Variants in PDLIM2 observed in about 807,000 individuals in gnomAD.
PDLIM2 encodes PDZ and LIM domain 2.
In PDLIM2, 51 loss-of-function variants were observed where a neutral mutation model predicts 54.1. The ratio of observed to expected loss-of-function variants is 0.94; its 90% CI spans 0.75 to 1.19. PDLIM2 has a LOEUF of 1.19. Ranked by LOEUF, PDLIM2 falls within the 50% of genes most tolerant of loss-of-function variation. The pLI is 0.00. For synonymous variants in PDLIM2, 398 were observed against 385.6 expected (o/e 1.03, Z -0.38); for missense variants, 912 against 874.0 (o/e 1.04, Z -0.55).
At chr8:22,579,258 C>A in exon 1 of PDLIM2, 1 of 1,356,638 alleles carries the variant, frequency 7.4e-7, no homozygotes, top group Non-Finnish European at 9.4e-7. Context: ...TCCGCGCGGC[C>A]CGCCCTCCCC....
intron 8 of PDLIM2, chr8:22,591,058 C>T (rs755189014): frequency 8.2e-5 from 16 of 194,056 alleles, no homozygotes; most frequent in Admixed American, 2.7e-4. Flanking sequence ...CAGGAGGCAG[C>T]ACAGGGAGAG....
At chr8:22,581,265 AG>A (rs1466368837) in intron 2 of PDLIM2, 113 bp from the exon 2 acceptor site, 2 of 1,338,962 alleles carry the variant, frequency 1.5e-6, no homozygotes, top group Non-Finnish European at 2.0e-6. Flanking sequence ...GACATGCAGG[AG>A]GGTGCAGGCC....
At chr8:22,583,334 C>T (rs1474557655) in intron 3 of PDLIM2, among the ~76,000 whole-genome samples, 1 of 152,122 alleles carries the variant, frequency 6.6e-6, no homozygotes, top group East Asian at 1.9e-4. Flanking sequence ...GTGACGCGCT[C>T]AAAGGCACCC....
intron 3 of PDLIM2, among the ~76,000 whole-genome samples, chr8:22,583,164 T>C (rs1340342291): frequency 6.6e-6 from 1 of 151,820 alleles, no homozygotes; most frequent in African/African-American, 2.4e-5. Context: ...TTACCTCCCA[T>C]TCAGGGCTCC....
At chr8:22,585,505 C>T in intron 6 of PDLIM2, 106 bp downstream of exon 5, 1 of 1,118,264 alleles carries the variant, frequency 8.9e-7, no homozygotes, top group Non-Finnish European at 1.3e-6. Context: ...CCTGGGCAGC[C>T]ATGGCCTCCT....
chr8:22,594,880 C>A (rs948194695), downstream of PDLIM2: 5 of 488,752 alleles, frequency 1.0e-5, no homozygotes, highest in African/African-American at 1.0e-4. Context: ...AAGCTGTGAT[C>A]ATGCCACTGC....
At chr8:22,584,756 G>C (rs1357207547) in intron 3 of PDLIM2, 65 bp from the exon 3 acceptor site, 1 of 1,510,332 alleles carries the variant, frequency 6.6e-7, no homozygotes, top group Non-Finnish European at 9.2e-7. Context: ...AACAGTTTTG[G>C]CCTCTTTTGG....
chr8:22,582,584 T>A (rs1210325606), intron 3 of PDLIM2, among the ~76,000 whole-genome samples: 12 of 147,324 alleles, frequency 8.1e-5, no homozygotes, highest in African/African-American at 3.0e-4. Context: ...CTTAATTTTT[T>A]TTTTTTTTTT....
chr8:22,595,740 C>T (rs1174953922), downstream of PDLIM2: 1 of 152,192 alleles, frequency 6.6e-6, no homozygotes, highest in African/African-American at 2.4e-5. Flanking sequence ...GAGATAAGAT[C>T]GGAGGGGAGC....
At chr8:22,579,599 T>C in intron 1 of PDLIM2, 1 of 1,371,710 alleles carries the variant, frequency 7.3e-7, no homozygotes, top group East Asian at 3.1e-5. Context: ...GAACAGAGGC[T>C]AGGCCTGGGC....
chr8:22,580,076 T>TA (rs886516291), intron 1 of PDLIM2: 31 of 181,792 alleles, frequency 1.7e-4, no homozygotes, highest in Admixed American at 1.4e-3. Flanking sequence ...GCCAGTGACT[T>TA]ACACAGTCTG....
exon 10 of PDLIM2, chr8:22,593,818 C>G (rs778981544): frequency 4.4e-6 from 7 of 1,600,396 alleles, no homozygotes; most frequent in Non-Finnish European, 6.0e-6. Context: ...CCTGAAGATG[C>G]GCGGGCACTT....
chr8:22,590,667 T>C (rs1800516131), intron 8 of PDLIM2: 1 of 152,342 alleles, frequency 6.6e-6, no homozygotes, highest in Non-Finnish European at 1.5e-5. Context: ...GAAGCTGGTT[T>C]CCCAGGAAAT....
chr8:22,579,371 G>T, exon 1 of PDLIM2: 1 of 1,490,712 alleles, frequency 6.7e-7, no homozygotes, highest in East Asian at 2.8e-5. Flanking sequence ...CCCGCGAGCT[G>T]CGCTCTCCCC....
chr8:22,583,253 C>A (rs1277570731), intron 3 of PDLIM2, among the ~76,000 whole-genome samples: 1 of 152,040 alleles, frequency 6.6e-6, no homozygotes, highest in African/African-American at 2.4e-5. Flanking sequence ...GCTGGGCCTA[C>A]TTGTCTGGAA....
At chr8:22,585,063 C>T in exon 5 of PDLIM2, 2 of 1,614,060 alleles carry the variant, frequency 1.2e-6, no homozygotes, top group African/African-American at 1.3e-5. Flanking sequence ...TTAAGGTCCT[C>T]CTACTCCAGC....
In PDLIM2 at chr8:22,591,357, C is replaced by T. The variant is rs1008240659; in HGVS notation, c.1514-194C>T. 1.3e-5 allele frequency: 8 copies of T among 618,202 alleles called. No individual in the cohort carries two copies. The Admixed American group carries it at 1.5e-4, about 12-fold the overall frequency. The allele number at this position is 618,202 out of a possible 1,614,324, so 38.3% of individuals were successfully genotyped here. Reference sequence around the variant, plus strand: ...ATGGGCAAACTCGGCCTTGTACCTGCCTCCTTCATGCCCTTGCCCAGCCTC... The same window carrying T: ...ATGGGCAAACTCGGCCTTGTACCTGTCTCCTTCATGCCCTTGCCCAGCCTC... On this transcript the variant is annotated intron_variant, in intron 8 of 9. Coordinates refer to ENST00000308354, the Ensembl canonical transcript of PDLIM2.
At chr8:22,589,840 A>C (rs921560909) in intron 8 of PDLIM2, 99 bp downstream of exon 7, 1 of 1,474,258 alleles carries the variant, frequency 6.8e-7, no homozygotes, top group African/African-American at 1.4e-5. Flanking sequence ...AGTGCCTGTG[A>C]GGTGCTCACC....
exon 1 of PDLIM2, chr8:22,578,890 G>C: frequency 2.4e-6 from 3 of 1,238,026 alleles, no homozygotes; most frequent in Non-Finnish European, 3.0e-6. Context: ...GCTGTGCTCC[G>C]GGCAGTCGGG....
Sources: gnomAD v4.1 joint callset for allele counts (sites outside exome capture counted in the v4.1 genomes callset) on GRCh38, gnomAD v4.1.1 for gene constraint, MANE v1.5 for transcripts, NCBI Gene and HGNC (gene_info 2026-07-23, HGNC 2026-07-21) for gene names.